ADAMTS2: variants seen among roughly 807,000 people sequenced by gnomAD.
The protein encoded by ADAMTS2 is ADAM metallopeptidase with thrombospondin type 1 motif 2.
In ADAMTS2, 50 loss-of-function variants were observed where a neutral mutation model predicts 123.0. The ratio of observed to expected loss-of-function variants is 0.41; its 90% CI spans 0.32 to 0.51. ADAMTS2 has a LOEUF of 0.51. Among genes scored for constraint, ADAMTS2 ranks in the 20% least tolerant of loss-of-function variants. The probability of loss-of-function intolerance (pLI) is 0.35; values close to 1 mark genes in which losing one functional copy is unlikely to be tolerated. For synonymous variants in ADAMTS2, 678 were observed against 695.4 expected, an observed-to-expected ratio of 0.98 and a Z score of 0.39; for missense variants, 1,494 against 1,705.2, an observed-to-expected ratio of 0.88 and a Z score of 2.18.
intron 4 of ADAMTS2, among the ~76,000 whole-genome samples, chr5:179,196,528 T>A (rs1764435349): frequency 6.6e-6 from 1 of 152,240 alleles, no homozygotes; most frequent in African/African-American, 2.4e-5. Flanking sequence ...CAGTTCATTC[T>A]ATCCTTTAAA....
Position 179,111,058 on chromosome 5 carries a change from G to C in ADAMTS2, c.*2809C>G, listed in dbSNP as rs1359179598. 6.6e-6 allele frequency: 1 copy of C among 152,130 alleles called. No individual in the cohort carries two copies. The highest frequency in any genetic ancestry group is 2.4e-5 in the African/African-American group (1 of 41,424). 9.4% of individuals were successfully genotyped at this position (152,130 alleles called of 1,614,324 possible). A position where few individuals can be genotyped will look rare whatever the true frequency, so the allele number is the denominator to read the frequency against. On this transcript the variant is annotated 3_prime_UTR_variant, in exon 22 of 22. Transcript: ENST00000251582. ...AAACTGCTTCATCTGCTAAGATGTTGCTATTGAGCACCATGTATATACTCA... is the reference window on the plus strand; with the variant it reads ...AAACTGCTTCATCTGCTAAGATGTTCCTATTGAGCACCATGTATATACTCA...
At chr5:179,326,727 G>C (rs997965983) in intron 2 of ADAMTS2, among the ~76,000 whole-genome samples, 2 of 152,070 alleles carry the variant, frequency 1.3e-5, no homozygotes. Flanking sequence ...ACCTTTCACA[G>C]ATGAGAAACA....
chr5:179,194,664 T>C (rs1003044749), intron 4 of ADAMTS2, among the ~76,000 whole-genome samples: 2 of 152,066 alleles, frequency 1.3e-5, no homozygotes, highest in African/African-American at 4.8e-5. Context: ...CCCACAGGTA[T>C]GTGACTCCAT....
intron 10 of ADAMTS2, among the ~76,000 whole-genome samples, chr5:179,148,402 G>A (rs1471863521): frequency 1.3e-5 from 2 of 152,168 alleles, no homozygotes; most frequent in African/African-American, 4.8e-5. Flanking sequence ...CCTGCAGACA[G>A]CCATAGCCAG....
chr5:179,243,889 C>G (rs1765722236), intron 3 of ADAMTS2, among the ~76,000 whole-genome samples: 1 of 152,014 alleles, frequency 6.6e-6, no homozygotes, highest in Non-Finnish European at 1.5e-5. Context: ...TTGAAAAGCA[C>G]CATAACTGAG....
intron 4 of ADAMTS2, among the ~76,000 whole-genome samples, chr5:179,190,466 CAGGTA>C (rs1764279468): frequency 1.1e-5 from 1 of 89,460 alleles, no homozygotes; most frequent in South Asian, 3.2e-4. Context: ...AGGAGAAAAA[CAGGTA>C]TTAAAGGACT....
At chr5:179,333,694 G>T (rs1757538082) in intron 2 of ADAMTS2, among the ~76,000 whole-genome samples, 1 of 150,680 alleles carries the variant, frequency 6.6e-6, no homozygotes, top group South Asian at 2.1e-4. Flanking sequence ...CCGCCTCCTG[G>T]GTTCAAGAGA....
At chr5:179,284,862 C>A (rs563903413) in intron 2 of ADAMTS2, among the ~76,000 whole-genome samples, 9 of 152,318 alleles carry the variant, frequency 5.9e-5, no homozygotes, top group Admixed American at 6.5e-5. Context: ...GACCTCCTTA[C>A]GTAAAATCAT....
chr5:179,154,957 A>G, intron 6 of ADAMTS2, 38 bp from the exon 7 acceptor site: 2 of 1,581,506 alleles, frequency 1.3e-6, no homozygotes, highest in East Asian at 2.3e-5. Flanking sequence ...ATGCTGCCAT[A>G]GCCTGGCCGG....
intron 4 of ADAMTS2, among the ~76,000 whole-genome samples, chr5:179,186,103 G>A (rs945907975): frequency 3.3e-5 from 5 of 152,258 alleles, no homozygotes; most frequent in South Asian, 2.1e-4. Flanking sequence ...GAGCAAGGCC[G>A]TGGTGGGGCT....
In ADAMTS2 at chr5:179,137,920, G is replaced by A. The variant is rs2113218813; in HGVS notation, c.1800C>T (p.Cys600=). The change falls in exon 12 of 22, where the codon TGC becomes TGT. Residue 600 remains cysteine, a synonymous_variant. Coordinates refer to ENST00000251582, the MANE Select transcript of ADAMTS2 (RefSeq NM_014244.5). ...GCTGGAAGTCGTAGGCAAGGCCCGA[G>A]CAGGTGCGGCCCCCGTTGGCCGGGC... ...NPHPANGGRT[C]SGLAYDFQLC... 1.9e-6 allele frequency: 3 copies of A among 1,550,018 alleles called. No individual in the cohort carries two copies. Among genetic ancestry groups the A allele is most frequent in the East Asian group, 4.9e-5 (2 of 41,098 alleles).
chr5:179,158,674 G>T lies in ADAMTS2; in HGVS notation c.1132+49C>A. 6.2e-7 allele frequency: 1 copy of T among 1,613,134 alleles called. No individual in the cohort carries two copies. Among genetic ancestry groups the T allele is most frequent in the African/African-American group, 1.3e-5 (1 of 75,062 alleles). On this transcript the variant is annotated intron_variant, in intron 6 of 21. Coordinates refer to ENST00000251582, the MANE Select transcript of ADAMTS2 (RefSeq NM_014244.5). This position sits in a 1 kb window ranked among gnomAD's most constrained non-coding sequence, Gnocchi z 5.0. ...CCCGGGGCCCCTTGCATGGCCAGGG[G>T]CTCATTTCCAGCTTCACGCCTCTGT... is the stretch of plus-strand genomic sequence containing the variant.
chr5:179,207,471 A>ACCCCGCCCCCC lies in ADAMTS2; in HGVS notation c.891+41_891+42insGGGGGGCGGGG. 1.9e-6 allele frequency: 2 copies of ACCCCGCCCCCC among 1,026,474 alleles called. 1 individual carries two copies. Among genetic ancestry groups the ACCCCGCCCCCC allele is most frequent in the Non-Finnish European group, 3.0e-6 (2 of 657,456 alleles). 63.6% of individuals were successfully genotyped at this position (1,026,474 alleles called of 1,614,324 possible). A position where few individuals can be genotyped will look rare whatever the true frequency, so the allele number is the denominator to read the frequency against. On this transcript the variant is annotated intron_variant, in intron 4 of 21. Coordinates refer to ENST00000251582, the MANE Select transcript of ADAMTS2 (RefSeq NM_014244.5). ...CTCTGGCCTGCCCAGCCCCTGGTTG[A>ACCCCGCCCCCC]CCCTCCCCGCCCCACCCTGCCCCCT... is the stretch of plus-strand genomic sequence containing the variant.
In ADAMTS2 at chr5:179,343,991, C is replaced by T. The variant is rs1757859981; in HGVS notation, c.310G>A (p.Glu104Lys). Residue 104 changes from glutamate (E) to lysine (K), a missense_variant, in exon 2 of 22, where the codon GAG becomes AAG. Coordinates refer to ENST00000251582, the MANE Select transcript of ADAMTS2 (RefSeq NM_014244.5). ...TPSFPGGNEE[E>K]PGSHLFYNVT... ...TTGTAGAAGAGGTGACTGCCAGGCT[C>T]CTCCTCGTTGCCTCCGGGGAAGCTC... The T allele has an allele frequency of 2.5e-6, 4 of 1,612,716 alleles. No homozygotes were observed. Among genetic ancestry groups the T allele is most frequent in the Non-Finnish European group, 3.4e-6 (4 of 1,179,878 alleles).
At chr5:179,168,813 G>A (rs1763762308) in intron 5 of ADAMTS2, among the ~76,000 whole-genome samples, 1 of 152,198 alleles carries the variant, frequency 6.6e-6, no homozygotes, top group Non-Finnish European at 1.5e-5. Context: ...CAAGGCTGGA[G>A]GTCTCTTGTT....
Position 179,170,329 on chromosome 5 carries a change from G to A in ADAMTS2, c.975+10743C>T, listed in dbSNP as rs761951978. ...CAATTTGGGATGAATAACAGGAACC[G>A]AGTATCTGGGCCACTTTCTGCCCAA... On this transcript the variant is annotated intron_variant, in intron 5 of 21. Transcript: ENST00000251582. This position sits in a 1 kb window ranked among gnomAD's most constrained non-coding sequence, Gnocchi z 4.3. Among the ~76,000 whole-genome samples, 6 of 152,198 alleles carry A rather than the reference G, an allele frequency of 3.9e-5. No homozygotes were observed. Among genetic ancestry groups the A allele is most frequent in the African/African-American group, 7.2e-5 (3 of 41,530 alleles).
chr5:179,142,147 C>A (rs552638625), intron 10 of ADAMTS2, among the ~76,000 whole-genome samples: 2 of 152,226 alleles, frequency 1.3e-5, no homozygotes, highest in Admixed American at 6.5e-5. Context: ...TGAAACAGAG[C>A]GTGGAGGATG....
Position 179,129,820 on chromosome 5 carries a change from G to A in ADAMTS2, c.2457+112C>T, listed in dbSNP as rs529574537. The A allele has an allele frequency of 2.5e-4, 359 of 1,435,414 alleles. 1 individual carries two copies. The African/African-American group carries it at 4.4e-3, about 18-fold the overall frequency. The allele number at this position is 1,435,414 out of a possible 1,614,324, so 88.9% of individuals were successfully genotyped here. Reference sequence around the variant, plus strand: ...TTGGTGCCAAAGGCAGGCCAAAGGGGCCACGCAGAGTGTCACCTGAAGGGT... The same window carrying A: ...TTGGTGCCAAAGGCAGGCCAAAGGGACCACGCAGAGTGTCACCTGAAGGGT... On this transcript the variant is annotated intron_variant, in intron 16 of 21. Transcript: ENST00000251582. The surrounding 1 kb of genome is among the most constrained non-coding windows in gnomAD (Gnocchi z 4.1).
intron 2 of ADAMTS2, among the ~76,000 whole-genome samples, chr5:179,310,554 A>G (rs1756801552): frequency 1.3e-5 from 2 of 152,248 alleles, no homozygotes; most frequent in South Asian, 4.2e-4. Context: ...CGGTGCTAGA[A>G]TCCCGGCTGG....
Sources: allele counts gnomAD v4.1 joint callset (sites outside exome capture counted in the v4.1 genomes callset), GRCh38; gene constraint gnomAD v4.1.1; non-coding constraint Gnocchi (gnomAD v3.1); transcripts MANE v1.5; gene names NCBI Gene and HGNC (gene_info 2026-07-23, HGNC 2026-07-21).